DIDO1: variants seen among roughly 807,000 people sequenced by gnomAD.
The protein encoded by DIDO1 is death inducer-obliterator 1.
In DIDO1, 16 loss-of-function variants were observed where a neutral mutation model predicts 99.4. The observed-to-expected ratio is 0.16, with a 90% confidence interval of 0.11 to 0.24. DIDO1 has a LOEUF of 0.24. Ranked by LOEUF, DIDO1 falls within the 10% of genes least tolerant of loss-of-function variation. DIDO1 has a pLI of 1.00. For synonymous variants in DIDO1, 1,366 were observed against 1,239.1 expected (o/e 1.10, Z -2.15); for missense variants, 2,996 against 3,014.0 (o/e 0.99, Z 0.14).
chr20:62,882,016 G>A lies in DIDO1; in HGVS notation c.3940C>T (p.Leu1314=), dbSNP rs6062735. Reference sequence around the variant, plus strand: ...AAGAGAGTCTGCAGGATGTGCTCCAGCGGTGATGCTGTTTTGGAAGCAGAC... The same window carrying A: ...AAGAGAGTCTGCAGGATGTGCTCCAACGGTGATGCTGTTTTGGAAGCAGAC... ...ASSASKTASP[L]EHILQTLFGK... The change falls in exon 16 of 16, where the codon CTG becomes TTG. Residue 1314 remains leucine (L), a synonymous_variant. Transcript: ENST00000395343. 1.2e-6 allele frequency: 2 copies of A among 1,613,542 alleles called. No homozygotes were observed. Among genetic ancestry groups the A allele is most frequent in the South Asian group, 2.2e-5 (2 of 91,086 alleles).
chr20:62,906,691 C>A (rs1472048257), intron 5 of DIDO1, among the ~76,000 whole-genome samples: 2 of 112,470 alleles, frequency 1.8e-5, no homozygotes, highest in African/African-American at 9.2e-5. Context: ...CAAGAGTTTG[C>A]GATCTCTAAA....
chr20:62,892,291 T>C (rs1173971233), intron 13 of DIDO1, among the ~76,000 whole-genome samples: 1 of 152,182 alleles, frequency 6.6e-6, no homozygotes, highest in Non-Finnish European at 1.5e-5. Context: ...GACAAGATTA[T>C]GTTTAGAAAT....
chr20:62,922,100 CTATAT>C (rs1368837262), intron 1 of DIDO1, among the ~76,000 whole-genome samples: 2 of 69,588 alleles, frequency 2.9e-5, no homozygotes, highest in South Asian at 1.1e-3. Context: ...TATATACACA[CTATAT>C]ATATACACAC....
intron 6 of DIDO1, among the ~76,000 whole-genome samples, chr20:62,899,149 GCAGA>G (rs964743797): frequency 2.8e-4 from 43 of 152,344 alleles, no homozygotes; most frequent in African/African-American, 9.9e-4. Flanking sequence ...TCCAGAGGCG[GCAGA>G]CAGACACCTG....
At chr20:62,887,491 G>C in intron 15 of DIDO1, 10 of 985,442 alleles carry the variant, frequency 1.0e-5, no homozygotes, top group East Asian at 1.1e-4. Flanking sequence ...CTTTCCATTC[G>C]AGCAGCTACA....
chr20:62,893,834 G>A lies in DIDO1; in HGVS notation c.2933C>T (p.Ala978Val). Reference protein sequence around the residue: ...PRTAPSSSCTAVASAASRPDS... With the variant: ...PRTAPSSSCTVVASAASRPDS... ...TGGGCGGGATGCTGCGGAGGCCACGGCTGTGCATGAACTGCTTGGAGCGGT... is the reference window on the plus strand; with the variant it reads ...TGGGCGGGATGCTGCGGAGGCCACGACTGTGCATGAACTGCTTGGAGCGGT... The change falls in exon 12 of 16, where the codon GCC becomes GTC. Residue 978 changes from alanine to valine, a missense_variant. This residue lies in a region of DIDO1 where 898 missense variants were observed against 972.7 expected (regional missense o/e 0.92). Coordinates refer to ENST00000395343, the MANE Select transcript of DIDO1 (RefSeq NM_001193369.2). 6.2e-7 allele frequency: 1 copy of A among 1,614,040 alleles called. No individual in the cohort carries two copies. Among genetic ancestry groups the A allele is most frequent in the South Asian group, 1.1e-5 (1 of 91,078 alleles).
At chr20:62,907,065 G>C in intron 5 of DIDO1, 82 bp downstream of exon 5, 2 of 1,455,928 alleles carry the variant, frequency 1.4e-6, no homozygotes, top group Non-Finnish European at 9.6e-7. Flanking sequence ...ACCCCCACAC[G>C]GTCTACAAAC....
chr20:62,911,723 T>A lies in DIDO1; in HGVS notation c.-2-109A>T, dbSNP rs1488752466. On this transcript the variant is annotated intron_variant, in intron 2 of 15. Coordinates refer to ENST00000395343, the MANE Select transcript of DIDO1 (RefSeq NM_001193369.2). This position sits in a 1 kb window ranked among gnomAD's most constrained non-coding sequence, Gnocchi z 7.0. ...CACCTCCCTACAAACAGTGGAGCTCTACATAAAGCAAGTCCTTCTGACCAG... is the reference window on the plus strand; with the variant it reads ...CACCTCCCTACAAACAGTGGAGCTCAACATAAAGCAAGTCCTTCTGACCAG... The A allele has an allele frequency of 3.2e-6, 3 of 946,434 alleles. No homozygotes were observed. The East Asian group carries it at 8.1e-5, about 26-fold the overall frequency. The allele number at this position is 946,434 out of a possible 1,614,324, so 58.6% of individuals were successfully genotyped here.
intron 1 of DIDO1, among the ~76,000 whole-genome samples, chr20:62,932,151 A>G (rs972352690): frequency 6.6e-6 from 1 of 152,224 alleles, no homozygotes; most frequent in Non-Finnish European, 1.5e-5. Flanking sequence ...CTGGGATTGT[A>G]GGTGTGAGCC....
chr20:62,887,895 CAG>C (rs879240638), intron 15 of DIDO1: 97 of 985,408 alleles, frequency 9.8e-5, no homozygotes, highest in Middle Eastern at 1.0e-3. Context: ...TGCTGAGTTA[CAG>C]AGAGTGCCCC....
Position 62,893,924 on chromosome 20 carries a change from G to A in DIDO1, c.2843C>T (p.Pro948Leu), listed in dbSNP as rs772862774. 3.1e-6 allele frequency: 5 copies of A among 1,611,986 alleles called. No individual in the cohort carries two copies. Among genetic ancestry groups the A allele is most frequent in the Non-Finnish European group, 4.2e-6 (5 of 1,178,348 alleles). Residue 948 changes from proline to leucine, a missense_variant, in exon 12 of 16, where the codon CCC (proline) becomes CTC (leucine). This residue lies in a region of DIDO1 where 898 missense variants were observed against 972.7 expected (regional missense o/e 0.92). Transcript: ENST00000395343. ...CCCGCTCCCACAGGAGGCTGGGCAG[G>A]GGGACAGGTCTTCCAGCGGGGAGGG... ...PEPSPLEDLS[P>L]CPASCGSGVV... is the part of the protein sequence containing the mutation.
chr20:62,887,732 C>T (rs1284594376), intron 15 of DIDO1: 4 of 985,378 alleles, frequency 4.1e-6, no homozygotes, highest in Non-Finnish European at 4.8e-6. Context: ...TGACTCATCT[C>T]CCTTCCATGA....
rs1233611112 is a variant in DIDO1 at position 62,896,088 on chromosome 20, C to T, written c.2214+145G>A. 15 of 906,914 alleles carry T rather than the reference C, an allele frequency of 1.7e-5. 1 individual carries two copies. The highest frequency in any genetic ancestry group is 5.1e-5 in the Admixed American group (2 of 39,024). The allele number at this position is 906,914 out of a possible 1,614,324, so 56.2% of individuals were successfully genotyped here. On this transcript the variant is annotated intron_variant, in intron 8 of 15. Transcript: ENST00000395343. This position sits in a 1 kb window ranked among gnomAD's most constrained non-coding sequence, Gnocchi z 4.4. Reference sequence around the variant, plus strand: ...GACGCTCAACGCCAGTGCAACAATACGTGGGCGGCAGAAGGATCACAGAGG... The same window carrying T: ...GACGCTCAACGCCAGTGCAACAATATGTGGGCGGCAGAAGGATCACAGAGG...
Position 62,896,769 on chromosome 20 carries a change from T to C in DIDO1, c.1816A>G (p.Ser606Gly), listed in dbSNP as rs2064537505. The C allele has an allele frequency of 6.2e-7, 1 of 1,613,750 alleles. No individual in the cohort carries two copies. Among genetic ancestry groups the C allele is most frequent in the African/African-American group, 1.3e-5 (1 of 74,928 alleles). Reference sequence around the variant, plus strand: ...GCCTGCCTGGCAGCTGAAGCACCACTCGATGGGGTAGCGGAGAGCCATGGC... The same window carrying C: ...GCCTGCCTGGCAGCTGAAGCACCACCCGATGGGGTAGCGGAGAGCCATGGC... ...KRPWLSATPS[S>G]GASAARQAGP... Residue 606 changes from serine (S) to glycine (G), a missense_variant, in exon 7 of 16, where the codon AGT (serine) becomes GGT (glycine). By Grantham distance (56) the Ser-to-Gly change is moderately conservative. Around this residue, in one of 5 missense-constraint regions of DIDO1, gnomAD observed 898 missense variants for 972.7 expected, o/e 0.92. Transcript: ENST00000395343. This position sits in a 1 kb window ranked among gnomAD's most constrained non-coding sequence, Gnocchi z 4.4.
rs114534878 is a variant in DIDO1 at position 62,881,024 on chromosome 20, G to A, written c.4932C>T (p.Pro1644=). 35,085 of 1,604,698 alleles carry A rather than the reference G, an allele frequency of 0.022. 566 individuals are homozygous for A. Among genetic ancestry groups the A allele is most frequent in the African/African-American group, 0.081 (6,096 of 74,970 alleles). The change falls in exon 16 of 16, where the codon CCC becomes CCT. Residue 1644 remains proline (P), a synonymous_variant. Coordinates refer to ENST00000395343, the MANE Select transcript of DIDO1 (RefSeq NM_001193369.2). The surrounding 1 kb of genome is among the most constrained non-coding windows in gnomAD (Gnocchi z 8.3). ...TGGCCGAGCTGTCTCCAACCGTGGC[G>A]GGGCGGGTGCCCTCCCCAGGCTCTG... The part of the protein sequence containing the change: ...WKAEPGEGTR[P]ATVGDSSARP...
At chr20:62,892,775 C>A (rs1193984793) in intron 13 of DIDO1, 34 bp downstream of exon 13, 1 of 1,578,402 alleles carries the variant, frequency 6.3e-7, no homozygotes, top group Non-Finnish European at 8.6e-7. Context: ...CTATGAAAGA[C>A]ACACACACGC....
At chr20:62,929,182 C>G (rs999548240), upstream of DIDO1, 1 of 152,274 alleles carries the variant, frequency 6.6e-6, no homozygotes, top group Non-Finnish European at 1.5e-5. Flanking sequence ...AGAGACGGCC[C>G]GTCCTCTCCA....
rs2064457722 is a variant in DIDO1 at position 62,893,977 on chromosome 20, A to G, written c.2790T>C (p.Pro930=). 4 of 1,613,516 alleles carry G rather than the reference A, an allele frequency of 2.5e-6. No individual in the cohort carries two copies. Among genetic ancestry groups the G allele is most frequent in the Non-Finnish European group, 3.4e-6 (4 of 1,179,532 alleles). Residue 930 remains proline (P), a synonymous_variant, in exon 12 of 16, where the codon CCT becomes CCC. Coordinates refer to ENST00000395343, the MANE Select transcript of DIDO1 (RefSeq NM_001193369.2). ...SHPNVDRTYF[P]GPPGDGHPEP... is the part of the protein sequence containing the mutation. ...CGGGATGGCCATCTCCTGGAGGCCC[A>G]GGGAAATACGTTCTGTCCACATTTG...
intron 8 of DIDO1, 51 bp from the exon 9 acceptor site, chr20:62,895,216 A>G: frequency 2.6e-6 from 4 of 1,511,044 alleles, no homozygotes; most frequent in South Asian, 1.1e-5. Context: ...ATATCTGTCA[A>G]TACAGAGAGC....
Sources: gnomAD v4.1 joint callset for allele counts (sites outside exome capture counted in the v4.1 genomes callset) on GRCh38, gnomAD v4.1.1 for gene constraint, gnomAD v4.1.1 regional missense constraint, Gnocchi (gnomAD v3.1) non-coding constraint, MANE v1.5 for transcripts, NCBI Gene and HGNC (gene_info 2026-07-23, HGNC 2026-07-21) for gene names.